Variants in ACSM3 observed in about 807,000 individuals in gnomAD.
ACSM3 encodes the protein acyl-coenzyme A synthetase ACSM3, mitochondrial.
Under a neutral mutation model 74.1 loss-of-function variants are expected in ACSM3, and 61 were observed. The observed-to-expected ratio is 0.82, with a 90% CI of 0.67 to 1.02. ACSM3 has a LOEUF of 1.02. Among genes scored for constraint, ACSM3 ranks in the 50% least tolerant of loss-of-function variants. ACSM3 has a pLI of 0.00. For missense variants in ACSM3, 660 were observed against 697.0 expected (o/e 0.95, Z 0.60); for synonymous variants, 213 against 241.5 (o/e 0.88, Z 1.09).
intron 1 of ACSM3, among the ~76,000 whole-genome samples, chr16:20,688,386 T>C (rs1202944548): frequency 6.6e-6 from 1 of 152,110 alleles, no homozygotes; most frequent in East Asian, 1.9e-4. Flanking sequence ...ATAGAGGTTA[T>C]TGGAAGAAAT....
Position 20,750,844 on chromosome 16 carries a change from G to GTTTTTTTTT in ACSM3, c.-96+851_-96+859dup, listed in dbSNP as rs59655300. 9.8e-3 allele frequency among the ~76,000 whole-genome samples: 1,126 copies of GTTTTTTTTT among 115,248 alleles called. 40 individuals are homozygous for GTTTTTTTTT. The highest frequency in any genetic ancestry group is 0.016 in the African/African-American group (505 of 31,798). The allele number at this position is 115,248 out of a possible 152,430, so 75.6% of individuals were successfully genotyped here. ...GAGAGAATATAAGTTTTGGAGTCAGGTTTTTTTTTTTTTTTTTTGAAACGG... is the reference window on the plus strand; with the variant it reads ...GAGAGAATATAAGTTTTGGAGTCAGGTTTTTTTTTTTTTTTTTTTTTTTTTTTGAAACGG... On this transcript the variant is annotated intron_variant, in intron 2 of 3. Coordinates refer to the ACSM3 transcript ENST00000561584.
Position 20,698,738 on chromosome 16 carries a change from A to G in ACSM3, c.-190+23916A>G, listed in dbSNP as rs1161066912. On this transcript the variant is annotated intron_variant, in intron 1 of 3. Coordinates refer to the ACSM3 transcript ENST00000561584. ...TGGCCAGGGTGGTCTTGAGCTCTTG[A>G]CCTCAGGTGATCTGCCCGCCTCAGC... 1.3e-5 allele frequency: 2 copies of G among 152,032 alleles called. 1 individual carries two copies. Among genetic ancestry groups the G allele is most frequent in the South Asian group, 4.2e-4 (2 of 4,758 alleles). 9.4% of individuals were successfully genotyped at this position (152,032 alleles called of 1,614,324 possible). A position where few individuals can be genotyped will look rare whatever the true frequency, so the allele number is the denominator to read the frequency against.
At chr16:20,765,946 C>T (rs2080121523) in intron 1 of ACSM3, among the ~76,000 whole-genome samples, 1 of 152,130 alleles carries the variant, frequency 6.6e-6, no homozygotes, top group Non-Finnish European at 1.5e-5. Context: ...CCCTTGTTTA[C>T]TATATGTGTC....
intron 1 of ACSM3, among the ~76,000 whole-genome samples, chr16:20,683,080 A>G (rs944601259): frequency 2.0e-5 from 3 of 151,704 alleles, no homozygotes; most frequent in African/African-American, 7.3e-5. Context: ...TTCCATAAAC[A>G]TTGACTTTTT....
chr16:20,676,310 G>C, intron 1 of ACSM3: 1 of 152,206 alleles, frequency 6.6e-6, no homozygotes, highest in East Asian at 1.9e-4. Context: ...AAGCCCTTCT[G>C]CAAAGGCTAA....
intron 7 of ACSM3, among the ~76,000 whole-genome samples, chr16:20,783,879 C>T (rs760169549): frequency 1.3e-5 from 2 of 151,692 alleles, no homozygotes; most frequent in Non-Finnish European, 2.9e-5. Context: ...ACAATCTCGG[C>T]TCACTGCAAC....
chr16:20,741,917 G>T, intron 1 of ACSM3: 1 of 1,534,258 alleles, frequency 6.5e-7, no homozygotes, highest in Non-Finnish European at 8.7e-7. Context: ...GAAAGGGGTG[G>T]AGTGATACCC....
chr16:20,789,666 T>C (rs1023868328), intron 9 of ACSM3: 16 of 671,892 alleles, frequency 2.4e-5, no homozygotes, highest in Admixed American at 5.4e-5. Flanking sequence ...CTGTATATTA[T>C]AAAGCAACTC....
intron 1 of ACSM3, among the ~76,000 whole-genome samples, chr16:20,686,178 A>C (rs1287295927): frequency 6.6e-6 from 1 of 152,168 alleles, no homozygotes; most frequent in Non-Finnish European, 1.5e-5. Context: ...AAACAAAACA[A>C]AAGAGGCTTA....
upstream of ACSM3, among the ~76,000 whole-genome samples, chr16:20,763,006 A>G (rs1301482834): frequency 6.6e-6 from 1 of 152,266 alleles, no homozygotes; most frequent in Non-Finnish European, 1.5e-5. Context: ...AGGTAATGTG[A>G]TTACACAGAA....
intron 1 of ACSM3, among the ~76,000 whole-genome samples, chr16:20,724,733 A>G (rs1382699639): frequency 6.6e-6 from 1 of 152,230 alleles, no homozygotes; most frequent in Non-Finnish European, 1.5e-5. Flanking sequence ...TTATACACCA[A>G]TAACAGACAA....
chr16:20,685,124 C>A, intron 1 of ACSM3: 8 of 1,547,666 alleles, frequency 5.2e-6, no homozygotes, highest in Non-Finnish European at 7.1e-6. Flanking sequence ...TGCACAGCAC[C>A]TAATATCTCA....
At chr16:20,687,838 C>T (rs74495465) in intron 1 of ACSM3, among the ~76,000 whole-genome samples, 23,940 of 152,070 alleles carry the variant, frequency 0.16, 2,566 homozygotes, top group East Asian at 0.42. Context: ...AAACCCAGCA[C>T]TTTGGGAGGC....
intron 1 of ACSM3, among the ~76,000 whole-genome samples, chr16:20,732,426 C>T (rs1358501660): frequency 6.6e-6 from 1 of 152,118 alleles, no homozygotes; most frequent in Non-Finnish European, 1.5e-5. Context: ...TTTTAAAATA[C>T]AGTAGTCGTC....
At chr16:20,767,048 C>T (rs1423738627) in intron 1 of ACSM3, among the ~76,000 whole-genome samples, 2 of 151,822 alleles carry the variant, frequency 1.3e-5, no homozygotes, top group South Asian at 2.1e-4. Flanking sequence ...TTTTTTTTCC[C>T]TCTGTACCTT....
chr16:20,684,009 A>G (rs1279835708), intron 1 of ACSM3, among the ~76,000 whole-genome samples: 2 of 152,204 alleles, frequency 1.3e-5, no homozygotes, highest in African/African-American at 4.8e-5. Context: ...GTGAGAGAAT[A>G]TGAGACGGAG....
intron 9 of ACSM3, among the ~76,000 whole-genome samples, chr16:20,788,627 A>G (rs2080527101): frequency 6.6e-6 from 1 of 152,162 alleles, no homozygotes; most frequent in Non-Finnish European, 1.5e-5. Context: ...CTACAACTTC[A>G]AAGCCCAACC....
intron 1 of ACSM3, among the ~76,000 whole-genome samples, chr16:20,677,349 A>C (rs1274637818): frequency 1.3e-5 from 2 of 152,228 alleles, no homozygotes; most frequent in Non-Finnish European, 2.9e-5. Context: ...AACTCAAGCC[A>C]TAAGGTCATG....
intron 3 of ACSM3, among the ~76,000 whole-genome samples, chr16:20,756,475 G>T: frequency 6.6e-6 from 1 of 151,964 alleles, no homozygotes. Flanking sequence ...ACTTTTTGAT[G>T]GGGTTGTTTG....
Sources: gnomAD v4.1 joint callset for allele counts (sites outside exome capture counted in the v4.1 genomes callset) on GRCh38, gnomAD v4.1.1 for gene constraint, MANE v1.5 for transcripts, NCBI Gene and HGNC (gene_info 2026-07-23, HGNC 2026-07-21) for gene names.